The following SLX9 variants were observed in gnomAD, a reference collection of about 807,000 sequenced individuals.
SLX9 encodes ribosome biogenesis protein SLX9 homolog.
A neutral mutation model predicts 20.8 loss-of-function variants in SLX9; 19 were observed. The observed-to-expected ratio is 0.91, with a 90% CI of 0.64 to 1.34. The LOEUF is 1.34. Ranked by LOEUF, SLX9 falls within the 40% of genes most tolerant of loss-of-function variation. The pLI, the probability that SLX9 is intolerant of heterozygous loss-of-function variation, is 0.00. For synonymous variants in SLX9, 113 were observed against 137.1 expected, an observed-to-expected ratio of 0.82 and a Z score of 1.23; for missense variants, 299 against 322.2, an observed-to-expected ratio of 0.93 and a Z score of 0.55.
chr21:44,939,869 G>C (rs139308842), upstream of SLX9: 4,196 of 579,038 alleles, frequency 7.2e-3, 126 homozygotes, highest in African/African-American at 0.072. Flanking sequence ...GTTTCTCCCA[G>C]GTGCGTCGGT....
rs796108132 is a variant in SLX9 at position 44,943,482 on chromosome 21, G to A, written c.130-202G>A. Among the ~76,000 whole-genome samples, 4 of 152,158 alleles carry A rather than the reference G, an allele frequency of 2.6e-5. No individual in the cohort carries two copies. The South Asian group carries it at 6.2e-4, about 24-fold the overall frequency. ...AGGCAGGGAGCAGGTGGGCCTGGGC[G>A]CTGCGGGTCTGCCCTGGAGCTCTGG... On this transcript the variant is annotated intron_variant, in intron 1 of 5. Transcript: ENST00000291634.
rs560394478 is a variant in SLX9 at position 44,965,746 on chromosome 21, G to A, written c.353-1288G>A. Among the ~76,000 whole-genome samples, 3 of 152,248 alleles carry A rather than the reference G, an allele frequency of 2.0e-5. No homozygotes were observed. In the South Asian group the frequency reaches 6.2e-4, roughly 32 times the overall value. ...AAGGCTTCTGGCTTTGGCTTGCTGAGGTGCGGGCCTTTGTGTCTGTCCTCA... is the reference window on the plus strand; with the variant it reads ...AAGGCTTCTGGCTTTGGCTTGCTGAAGTGCGGGCCTTTGTGTCTGTCCTCA... On this transcript the variant is annotated intron_variant, in intron 3 of 5. Coordinates refer to ENST00000291634, the MANE Select transcript of SLX9 (RefSeq NM_058190.4).
intron 4 of SLX9, among the ~76,000 whole-genome samples, chr21:44,968,735 A>G (rs1413210886): frequency 4.0e-5 from 5 of 125,692 alleles, no homozygotes; most frequent in African/African-American, 2.4e-4. Context: ...TTCCTCATTC[A>G]TTTGTGTCAT....
At chr21:44,976,273 T>C (rs1278890775) in intron 5 of SLX9, among the ~76,000 whole-genome samples, 3 of 148,988 alleles carry the variant, frequency 2.0e-5, no homozygotes, top group Non-Finnish European at 4.4e-5. Context: ...CTCTGCCGGC[T>C]CAGGCTCTCG....
At chr21:44,970,696 G>A (rs1357531839) in intron 4 of SLX9, among the ~76,000 whole-genome samples, 3 of 152,194 alleles carry the variant, frequency 2.0e-5, no homozygotes, top group South Asian at 2.1e-4. Flanking sequence ...GTCAGCAGGC[G>A]AGCACCAGTG....
At chr21:44,973,942 C>T (rs1007975924) in intron 5 of SLX9, among the ~76,000 whole-genome samples, 10 of 152,196 alleles carry the variant, frequency 6.6e-5, no homozygotes, top group African/African-American at 2.4e-4. Context: ...GCCCCATCTC[C>T]GCCCCTCCCC....
chr21:44,960,117 G>A lies in SLX9; in HGVS notation c.301G>A (p.Val101Ile), dbSNP rs764716320. ...TTCCTCAGGTGCAGAGGCCAAGACCGTTTTGCCCAAGAAGGAGAAAATGAA... is the reference window on the plus strand; with the variant it reads ...TTCCTCAGGTGCAGAGGCCAAGACCATTTTGCCCAAGAAGGAGAAAATGAA... ...SIRRGAEAKT[V>I]LPKKEKMKLR... is the part of the protein sequence containing the mutation. The change falls in exon 3 of 6, where the codon GTT becomes ATT. Residue 101 changes from valine (V) to isoleucine (I), a missense_variant. Transcript: ENST00000291634. The A allele has an allele frequency of 1.1e-4, 183 of 1,614,116 alleles. 1 individual carries two copies. Among genetic ancestry groups the A allele is most frequent in the Non-Finnish European group, 1.0e-4 (120 of 1,180,056 alleles).
rs541206010 is a variant in SLX9 at position 44,972,164 on chromosome 21, C to T, written c.501-1033C>T. 9.2e-5 allele frequency among the ~76,000 whole-genome samples: 14 copies of T among 152,294 alleles called. No homozygotes were observed. In the South Asian group the frequency reaches 1.7e-3, roughly 18 times the overall value. ...TGAGGACTCTGCGTCTCTGCCTTCCCGCCGTCGTCTGGGTCCCATCTCACT... is the reference window on the plus strand; with the variant it reads ...TGAGGACTCTGCGTCTCTGCCTTCCTGCCGTCGTCTGGGTCCCATCTCACT... On this transcript the variant is annotated intron_variant, in intron 4 of 5. Coordinates refer to ENST00000291634, the MANE Select transcript of SLX9 (RefSeq NM_058190.4).
At chr21:44,952,875 G>GCCATC (rs1568933515) in intron 2 of SLX9, among the ~76,000 whole-genome samples, 1 of 152,246 alleles carries the variant, frequency 6.6e-6, no homozygotes, top group Non-Finnish European at 1.5e-5. Context: ...TCCTGCTGAG[G>GCCATC]CCATCTGCAC....
At chr21:44,939,901 C>A, upstream of SLX9, 1 of 714,446 alleles carries the variant, frequency 1.4e-6, no homozygotes, top group Non-Finnish European at 2.1e-6. Flanking sequence ...CGCCGCCACC[C>A]TACACCCGCG....
chr21:44,954,936 G>A (rs755300433), intron 2 of SLX9, among the ~76,000 whole-genome samples: 1 of 152,132 alleles, frequency 6.6e-6, no homozygotes, highest in South Asian at 2.1e-4. Flanking sequence ...GGAAGAGGCC[G>A]GGGACGGTGG....
At chr21:44,950,062 A>AC (rs1222546914) in intron 2 of SLX9, among the ~76,000 whole-genome samples, 1 of 151,660 alleles carries the variant, frequency 6.6e-6, no homozygotes, top group African/African-American at 2.4e-5. Flanking sequence ...TCCTCATCAG[A>AC]CAGTACAGAC....
intron 4 of SLX9, among the ~76,000 whole-genome samples, chr21:44,968,610 C>T (rs192268463): frequency 7.7e-4 from 117 of 152,330 alleles, no homozygotes; most frequent in Middle Eastern, 6.8e-3. Flanking sequence ...CTGGAAGGCA[C>T]CACCCAGGTG....
At chr21:44,947,194 T>G (rs568434252) in intron 2 of SLX9, among the ~76,000 whole-genome samples, 1 of 152,308 alleles carries the variant, frequency 6.6e-6, no homozygotes, top group East Asian at 1.9e-4. Flanking sequence ...TGCTGGGGCC[T>G]GAGTGCCCAT....
intron 4 of SLX9, among the ~76,000 whole-genome samples, chr21:44,968,286 G>A (rs551220532): frequency 1.3e-5 from 2 of 150,654 alleles, no homozygotes; most frequent in African/African-American, 2.4e-5. Context: ...ACGCAACCCC[G>A]CCACCCAATG....
At chr21:44,950,527 C>T (rs2084737251) in intron 2 of SLX9, among the ~76,000 whole-genome samples, 1 of 152,192 alleles carries the variant, frequency 6.6e-6, no homozygotes, top group Non-Finnish European at 1.5e-5. Flanking sequence ...GCCGTGCCAG[C>T]CGGTATGTTG....
At chr21:44,972,939 G>A in intron 4 of SLX9, 1 of 577,448 alleles carries the variant, frequency 1.7e-6, no homozygotes, top group Non-Finnish European at 3.1e-6. Context: ...GGAGCAGCTT[G>A]GGGCCCGCGG....
At chr21:44,975,937 C>T (rs1293561191) in intron 5 of SLX9, among the ~76,000 whole-genome samples, 5 of 152,256 alleles carry the variant, frequency 3.3e-5, no homozygotes, top group Non-Finnish European at 7.3e-5. Flanking sequence ...CCAGTGTGGT[C>T]CAGCCTTGCA....
chr21:44,965,633 GGAGGGTCACCCT>G (rs1256548663), intron 3 of SLX9, among the ~76,000 whole-genome samples: 1 of 152,198 alleles, frequency 6.6e-6, no homozygotes, highest in East Asian at 1.9e-4. Context: ...TGGCCACTGT[GGAGGGTCACCCT>G]GAGGCATTTC....
Sources: allele counts gnomAD v4.1 joint callset (sites outside exome capture counted in the v4.1 genomes callset), GRCh38; gene constraint gnomAD v4.1.1; transcripts MANE v1.5; gene names NCBI Gene and HGNC (gene_info 2026-07-23, HGNC 2026-07-21).